TCEANC2: variants seen among roughly 807,000 people sequenced by gnomAD.
TCEANC2 encodes transcription elongation factor A N-terminal and central domain containing 2.
In TCEANC2, 20 loss-of-function variants were observed where a neutral mutation model predicts 22.8. The ratio of observed to expected loss-of-function variants is 0.88; its 90% CI spans 0.62 to 1.28. The LOEUF (loss-of-function observed/expected upper bound fraction) is 1.28. Ranked by LOEUF, TCEANC2 falls within the 50% of genes most tolerant of loss-of-function variation. TCEANC2 has a pLI of 0.00. For missense variants in TCEANC2, 251 were observed against 249.7 expected (o/e 1.01, Z -0.03); for synonymous variants, 84 against 95.5 (o/e 0.88, Z 0.70).
intron 4 of TCEANC2, among the ~76,000 whole-genome samples, chr1:54,090,435 CATAAG>C (rs1461882457): frequency 1.3e-5 from 2 of 152,006 alleles, no homozygotes; most frequent in Non-Finnish European, 2.9e-5. Flanking sequence ...CCAAATGTTC[CATAAG>C]ATATTTTTAT....
At chr1:54,081,812 C>G (rs1001495550) in intron 3 of TCEANC2, among the ~76,000 whole-genome samples, 5 of 152,164 alleles carry the variant, frequency 3.3e-5, no homozygotes, top group African/African-American at 1.2e-4. Context: ...GGGCATGGCT[C>G]TTGTGGGAGT....
downstream of TCEANC2, among the ~76,000 whole-genome samples, chr1:54,106,861 A>G (rs1033414413): frequency 6.6e-6 from 1 of 152,094 alleles, no homozygotes; most frequent in Non-Finnish European, 1.5e-5. Flanking sequence ...CCCTTGCCTG[A>G]TTTTTTTAAA....
At chr1:54,085,877 G>C (rs1658329654) in intron 3 of TCEANC2, among the ~76,000 whole-genome samples, 1 of 151,930 alleles carries the variant, frequency 6.6e-6, no homozygotes, top group Non-Finnish European at 1.5e-5. Flanking sequence ...GAGAGTACAG[G>C]CATATGTCAC....
chr1:54,080,793 T>C (rs1308498397), intron 3 of TCEANC2, among the ~76,000 whole-genome samples: 1 of 152,238 alleles, frequency 6.6e-6, no homozygotes, highest in African/African-American at 2.4e-5. Context: ...AGAAATCCCC[T>C]AACCTTAAAC....
intron 4 of TCEANC2, among the ~76,000 whole-genome samples, chr1:54,095,665 G>A (rs781694828): frequency 5.3e-5 from 8 of 152,092 alleles, no homozygotes; most frequent in East Asian, 1.9e-4. Flanking sequence ...CCATTCTCTC[G>A]GAATGTTGAA....
intron 4 of TCEANC2, chr1:54,089,769 A>G (rs1658407647): frequency 2.9e-6 from 1 of 346,026 alleles, no homozygotes; most frequent in African/African-American, 2.1e-5. Flanking sequence ...TATAGTACTT[A>G]CTTTTTTTAA....
In TCEANC2 at chr1:54,089,370, A is replaced by G. The variant is rs952463003; in HGVS notation, c.438+580A>G. Among the ~76,000 whole-genome samples the G allele has an allele frequency of 2.9e-4, 44 of 152,324 alleles. No individual in the cohort carries two copies. In the Middle Eastern group the frequency reaches 0.01, roughly 35 times the overall value. On this transcript the variant is annotated intron_variant, in intron 4 of 4. Coordinates refer to ENST00000234827, the MANE Select transcript of TCEANC2 (RefSeq NM_153035.3). ...GATCCCCCATTTTTTGTCAACAGCC[A>G]TATCTTTAGCTTTAAGGCATAAAAT...
At chr1:54,072,352 A>G (rs1364343691) in intron 3 of TCEANC2, among the ~76,000 whole-genome samples, 2 of 151,604 alleles carry the variant, frequency 1.3e-5, no homozygotes, top group African/African-American at 2.4e-5. Context: ...CTTTATTTCA[A>G]TAACTGTTTT....
chr1:54,083,366 C>T (rs1183444014), intron 3 of TCEANC2, among the ~76,000 whole-genome samples: 4 of 152,004 alleles, frequency 2.6e-5, no homozygotes, highest in African/African-American at 9.7e-5. Context: ...CTGGGGTTCA[C>T]AGATAATTAA....
In TCEANC2 at chr1:54,096,662, G is replaced by C; in HGVS notation, c.*189G>C. 7.8e-7 allele frequency: 1 copy of C among 1,285,744 alleles called. No homozygotes were observed. The highest frequency in any genetic ancestry group is 1.0e-6 in the Non-Finnish European group (1 of 990,956). 79.6% of individuals were successfully genotyped at this position (1,285,744 alleles called of 1,614,324 possible). ...AGGCCTGCAGGAATGTGCTTCATTA[G>C]CTGCAGTGCGCTGGTGCTGCCTAAC... On this transcript the variant is annotated 3_prime_UTR_variant, in exon 5 of 5. Transcript: ENST00000234827. The surrounding 1 kb of genome is among the most constrained non-coding windows in gnomAD (Gnocchi z 4.9).
chr1:54,054,135 C>T (rs1657689520), intron 1 of TCEANC2: 2 of 792,864 alleles, frequency 2.5e-6, no homozygotes, highest in African/African-American at 3.6e-5. Flanking sequence ...ATGTTGGAAT[C>T]CTCGCTAGAG....
chr1:54,092,613 A>G (rs1045224264), intron 4 of TCEANC2, among the ~76,000 whole-genome samples: 2 of 152,250 alleles, frequency 1.3e-5, no homozygotes, highest in African/African-American at 4.8e-5. Flanking sequence ...TGCACAGTTT[A>G]GAAATGGATA....
In TCEANC2 at chr1:54,111,231, C is replaced by T. The variant is rs1205032287; in HGVS notation, n.1250C>T. 2.6e-5 allele frequency: 4 copies of T among 152,342 alleles called. No homozygotes were observed. In the East Asian group the frequency reaches 7.7e-4, roughly 29 times the overall value. The allele number at this position is 152,342 out of a possible 1,614,324, so 9.4% of individuals were successfully genotyped here. A position where few individuals can be genotyped will look rare whatever the true frequency, so the allele number is the denominator to read the frequency against. On this transcript the variant is annotated non_coding_transcript_exon_variant, in exon 5 of 5. Transcript: ENST00000498272. Reference sequence around the variant, plus strand: ...GCAGCCGAGCAGACAGTCTGGGCTCCATGGGAAGAGCTAATCCCAAGCGTG... The same window carrying T: ...GCAGCCGAGCAGACAGTCTGGGCTCTATGGGAAGAGCTAATCCCAAGCGTG...
chr1:54,065,429 A>G (rs1396325911), intron 2 of TCEANC2, among the ~76,000 whole-genome samples: 1 of 152,184 alleles, frequency 6.6e-6, no homozygotes, highest in African/African-American at 2.4e-5. Flanking sequence ...TAAACATTGT[A>G]AGGGTAGGTT....
In TCEANC2 at chr1:54,101,245, G is replaced by A. The variant is rs1037377523; in HGVS notation, c.*4772G>A. Reference sequence around the variant, plus strand: ...GCCAGATGGGGCAAAGGCTCAGTTTGTTACTGCCCATTATTGCAAGGGAAG... The same window carrying A: ...GCCAGATGGGGCAAAGGCTCAGTTTATTACTGCCCATTATTGCAAGGGAAG... On this transcript the variant is annotated 3_prime_UTR_variant, in exon 5 of 5. Transcript: ENST00000234827. The A allele has an allele frequency of 6.6e-6, 1 of 152,178 alleles. No individual in the cohort carries two copies. Among genetic ancestry groups the A allele is most frequent in the Non-Finnish European group, 1.5e-5 (1 of 68,030 alleles). The allele number at this position is 152,178 out of a possible 1,614,324, so 9.4% of individuals were successfully genotyped here.
intron 3 of TCEANC2, among the ~76,000 whole-genome samples, chr1:54,083,186 G>A (rs34834559): frequency 0.061 from 9,286 of 152,222 alleles, 379 homozygotes; most frequent in Non-Finnish European, 0.093. Flanking sequence ...TAAGCAGGTG[G>A]AGATGTCCAG....
intron 2 of TCEANC2, among the ~76,000 whole-genome samples, chr1:54,068,145 A>G (rs531182839): frequency 1.3e-5 from 2 of 152,352 alleles, no homozygotes; most frequent in East Asian, 3.9e-4. Flanking sequence ...AGGAAGGGAA[A>G]GAGGGGAATG....
At chr1:54,094,813 A>G (rs1658514809) in intron 4 of TCEANC2, among the ~76,000 whole-genome samples, 1 of 152,124 alleles carries the variant, frequency 6.6e-6, no homozygotes, top group African/African-American at 2.4e-5. Context: ...CCTATTTTCA[A>G]GGAATTTTCT....
chr1:54,070,823 A>G (rs930107528), intron 3 of TCEANC2, among the ~76,000 whole-genome samples: 1 of 152,240 alleles, frequency 6.6e-6, no homozygotes, highest in African/African-American at 2.4e-5. Flanking sequence ...ATATAGGCAT[A>G]ATAATGAAGG....
Sources: gnomAD v4.1 joint callset for allele counts (sites outside exome capture counted in the v4.1 genomes callset) on GRCh38, gnomAD v4.1.1 for gene constraint, Gnocchi (gnomAD v3.1) non-coding constraint, MANE v1.5 for transcripts, NCBI Gene and HGNC (gene_info 2026-07-23, HGNC 2026-07-21) for gene names.